The following GDAP1 variants were observed in gnomAD, a reference collection of about 807,000 sequenced individuals.
The protein encoded by GDAP1 is ganglioside-induced differentiation-associated protein 1.
Under a neutral mutation model 40.1 loss-of-function variants are expected in GDAP1, and 34 were observed. The ratio of observed to expected loss-of-function variants is 0.85; its 90% CI spans 0.64 to 1.13. The LOEUF (loss-of-function observed/expected upper bound fraction) is 1.13. Among genes scored for constraint, GDAP1 ranks in the 50% most tolerant of loss-of-function variants. The pLI, the probability that GDAP1 is intolerant of heterozygous loss-of-function variation, is 0.00. For synonymous variants in GDAP1, 170 were observed against 157.4 expected, an observed-to-expected ratio of 1.08 and a Z score of -0.60; for missense variants, 374 against 433.7, an observed-to-expected ratio of 0.86 and a Z score of 1.22.
At chr8:74,406,990 C>T (rs1805649131) in intron 2 of GDAP1, among the ~76,000 whole-genome samples, 1 of 149,402 alleles carries the variant, frequency 6.7e-6, no homozygotes, top group Non-Finnish European at 1.5e-5. Context: ...TTAGAATCAC[C>T]AGAATATAAT....
At position 74,414,419 on chromosome 8, in the gene GDAP1, A is replaced by G. The variant is rs568354287; in HGVS notation, c.165+63098A>G. Among the ~76,000 whole-genome samples the G allele has an allele frequency of 2.0e-5, 3 of 150,122 alleles. No homozygotes were observed. In the East Asian group the frequency reaches 5.8e-4, roughly 29 times the overall value. Reference sequence around the variant, plus strand: ...AAGCATTCTTGAAATGTATGGAAAGATAGAAAGTATTGGTGAACTAATACA... The same window carrying G: ...AAGCATTCTTGAAATGTATGGAAAGGTAGAAAGTATTGGTGAACTAATACA... On this transcript the variant is annotated intron_variant, in intron 2 of 2. Coordinates refer to the GDAP1 transcript ENST00000523640.
intron 2 of GDAP1, among the ~76,000 whole-genome samples, chr8:74,475,918 G>A (rs1271212783): frequency 6.6e-6 from 1 of 152,154 alleles, no homozygotes; most frequent in East Asian, 1.9e-4. Context: ...GGGAGTCTAA[G>A]TCTCTTTGAA....
intron 2 of GDAP1, among the ~76,000 whole-genome samples, chr8:74,439,888 T>C (rs1209740495): frequency 2.0e-5 from 3 of 152,100 alleles, no homozygotes; most frequent in Non-Finnish European, 4.4e-5. Context: ...TTGTATTCTT[T>C]TATATTTTCA....
intron 2 of GDAP1, among the ~76,000 whole-genome samples, chr8:74,433,768 A>T (rs1240346074): frequency 3.3e-5 from 5 of 152,296 alleles, no homozygotes; most frequent in African/African-American, 1.2e-4. Flanking sequence ...CGAAGAGAGT[A>T]GAGGCACTAG....
chr8:74,400,735 T>A (rs1233493416), intron 2 of GDAP1, among the ~76,000 whole-genome samples: 15 of 149,606 alleles, frequency 1.0e-4, no homozygotes, highest in Admixed American at 8.5e-4. Context: ...GGAGCTCTTT[T>A]AGGGCAGGCC....
rs548904545 is a variant in GDAP1 at position 74,402,108 on chromosome 8, T to C, written c.165+50787T>C. On this transcript the variant is annotated intron_variant, in intron 2 of 2. Transcript: ENST00000523640. Reference sequence around the variant, plus strand: ...GCTGTCAGACAGGGACATTTAAGTCTGCAGAGGTTACTGCTGCCTTTTTGT... The same window carrying C: ...GCTGTCAGACAGGGACATTTAAGTCCGCAGAGGTTACTGCTGCCTTTTTGT... Among the ~76,000 whole-genome samples the C allele has an allele frequency of 6.6e-5, 10 of 150,402 alleles. No homozygotes were observed. The South Asian group carries it at 2.1e-3, about 31-fold the overall frequency.
intron 2 of GDAP1, among the ~76,000 whole-genome samples, chr8:74,381,976 A>C (rs986171471): frequency 3.3e-5 from 5 of 151,978 alleles, no homozygotes; most frequent in African/African-American, 1.2e-4. Flanking sequence ...AATATTGGCC[A>C]CTATGCTGGG....
chr8:74,477,266 A>C (rs1034259834), intron 2 of GDAP1, among the ~76,000 whole-genome samples: 2 of 152,042 alleles, frequency 1.3e-5, no homozygotes, highest in African/African-American at 4.8e-5. Flanking sequence ...CCCCAACCAG[A>C]TTCCATATTT....
chr8:74,401,705 A>C (rs1320335969), intron 2 of GDAP1, among the ~76,000 whole-genome samples: 1 of 149,142 alleles, frequency 6.7e-6, no homozygotes, highest in East Asian at 1.9e-4. Flanking sequence ...TTGGTCTTTG[A>C]TGATGGTGAT....
At chr8:74,435,620 C>A (rs1198572061) in intron 2 of GDAP1, among the ~76,000 whole-genome samples, 1 of 152,192 alleles carries the variant, frequency 6.6e-6, no homozygotes, top group African/African-American at 2.4e-5. Context: ...TTTAGAAACA[C>A]CAGCAAATTA....
chr8:74,478,022 A>G (rs1277930336), intron 2 of GDAP1, among the ~76,000 whole-genome samples: 2 of 148,794 alleles, frequency 1.3e-5, no homozygotes, highest in African/African-American at 4.9e-5. Context: ...AGTCAGTGGC[A>G]GTGACTGTTC....
At chr8:74,359,636 A>G (rs750924448) in intron 2 of GDAP1, among the ~76,000 whole-genome samples, 12 of 152,240 alleles carry the variant, frequency 7.9e-5, no homozygotes, top group South Asian at 2.1e-4. Context: ...CCCTCATTCA[A>G]TTAACCAAAC....
At chr8:74,368,776 T>C (rs1421478178), downstream of GDAP1, among the ~76,000 whole-genome samples, 1 of 152,190 alleles carries the variant, frequency 6.6e-6, no homozygotes, top group East Asian at 1.9e-4. Flanking sequence ...CCTATTGATA[T>C]TGTAAACCAG....
intron 2 of GDAP1, among the ~76,000 whole-genome samples, chr8:74,414,179 A>G (rs1394006134): frequency 6.7e-6 from 1 of 150,258 alleles, no homozygotes; most frequent in East Asian, 1.9e-4. Context: ...AATAAAAACA[A>G]TCAATACTAT....
At chr8:74,406,828 A>G (rs535695601) in intron 2 of GDAP1, among the ~76,000 whole-genome samples, 1 of 150,112 alleles carries the variant, frequency 6.7e-6, no homozygotes, top group African/African-American at 2.5e-5. Context: ...AGTCCCAGAA[A>G]TTAACTTAAC....
At chr8:74,429,844 A>G (rs778339180) in intron 2 of GDAP1, among the ~76,000 whole-genome samples, 2 of 152,128 alleles carry the variant, frequency 1.3e-5, no homozygotes, top group Non-Finnish European at 2.9e-5. Context: ...AGAATATAAT[A>G]TTTTTAATTA....
At chr8:74,480,814 G>T (rs1426107965) in intron 2 of GDAP1, among the ~76,000 whole-genome samples, 1 of 152,166 alleles carries the variant, frequency 6.6e-6, no homozygotes, top group Non-Finnish European at 1.5e-5. Flanking sequence ...TGGAATAGAA[G>T]ATTTGGGCAA....
At chr8:74,425,352 C>A (rs1417707435) in intron 2 of GDAP1, among the ~76,000 whole-genome samples, 1 of 152,152 alleles carries the variant, frequency 6.6e-6, no homozygotes, top group Non-Finnish European at 1.5e-5. Context: ...AATATGAAGA[C>A]AAATGATGGT....
intron 2 of GDAP1, among the ~76,000 whole-genome samples, chr8:74,421,407 C>G (rs2131559093): frequency 6.6e-6 from 1 of 151,568 alleles, no homozygotes; most frequent in Non-Finnish European, 1.5e-5. Context: ...AAAAAGGAAA[C>G]AATCAGAGAA....
Sources: gnomAD v4.1 joint callset for allele counts (sites outside exome capture counted in the v4.1 genomes callset) on GRCh38, gnomAD v4.1.1 for gene constraint, MANE v1.5 for transcripts, NCBI Gene and HGNC (gene_info 2026-07-23, HGNC 2026-07-21) for gene names.